Variants in ZP3 observed in about 807,000 individuals in gnomAD.
The protein encoded by ZP3 is zona pellucida sperm-binding protein 3.
A neutral mutation model predicts 35.6 loss-of-function variants in ZP3; 21 were observed. The ratio of observed to expected loss-of-function variants is 0.59; its 90% CI spans 0.42 to 0.85. ZP3 has a LOEUF of 0.85. Ranked by LOEUF, ZP3 falls within the 40% of genes least tolerant of loss-of-function variation. The probability of loss-of-function intolerance (pLI) is 0.00; values close to 1 mark genes in which losing one functional copy is unlikely to be tolerated. For synonymous variants in ZP3, 207 were observed against 214.5 expected, an observed-to-expected ratio of 0.96 and a Z score of 0.31; for missense variants, 437 against 536.5, an observed-to-expected ratio of 0.81 and a Z score of 1.83.
chr7:76,435,758 TCA>T (rs1445831225), intron 5 of ZP3, among the ~76,000 whole-genome samples: 3 of 139,254 alleles, frequency 2.2e-5, no homozygotes, highest in African/African-American at 3.3e-5. Flanking sequence ...TGAGACAGTC[TCA>T]CTCTGTCACC....
intron 5 of ZP3, among the ~76,000 whole-genome samples, chr7:76,437,294 C>T (rs1479152055): frequency 2.6e-5 from 4 of 151,712 alleles, no homozygotes; most frequent in Admixed American, 6.6e-5. Flanking sequence ...CCTGCCTCAG[C>T]CTCCCTAATA....
intron 1 of ZP3, among the ~76,000 whole-genome samples, chr7:76,399,928 C>T (rs192416716): frequency 2.6e-4 from 40 of 152,262 alleles, no homozygotes; most frequent in African/African-American, 9.4e-4. Flanking sequence ...GAGTTTGAGG[C>T]TGCAGTGGGC....
At position 76,440,326 on chromosome 7, in the gene ZP3, G is replaced by T; in HGVS notation, c.908G>T (p.Ser303Ile). 6.2e-7 allele frequency: 1 copy of T among 1,607,878 alleles called. No homozygotes were observed. The highest frequency in any genetic ancestry group is 8.5e-7 in the Non-Finnish European group (1 of 1,177,294). The stretch of plus-strand genomic sequence containing the variant: ...GAACTCAACAAGGCCTGTTCCTTCA[G>T]CAAGCCTTCCAACAGGTGAGGAGGA... The part of the protein sequence containing the change: ...PDELNKACSF[S>I]KPSNSWFPVE... The change falls in exon 6 of 8, where the codon AGC (serine) becomes ATC (isoleucine). Residue 303 changes from serine to isoleucine, a missense_variant. Transcript: ENST00000394857.
chr7:76,431,741 T>G (rs893013426), intron 2 of ZP3, among the ~76,000 whole-genome samples: 1 of 152,000 alleles, frequency 6.6e-6, no homozygotes, highest in Admixed American at 6.6e-5. Context: ...CTACTAAAAA[T>G]ACAAAAAATT....
chr7:76,397,818 G>A (rs1804691343), intron 1 of ZP3: 9 of 1,585,110 alleles, frequency 5.7e-6, no homozygotes, highest in Non-Finnish European at 6.9e-6. Flanking sequence ...CCTACCAGGC[G>A]TACGCTGCCC....
intron 1 of ZP3, among the ~76,000 whole-genome samples, chr7:76,411,250 A>G (rs1332895944): frequency 6.6e-6 from 1 of 151,974 alleles, no homozygotes; most frequent in Non-Finnish European, 1.5e-5. Context: ...TCGGTTCCTA[A>G]GCAAGCTCTC....
At chr7:76,437,492 TTTTTTGG>T (rs1771676752) in intron 5 of ZP3, among the ~76,000 whole-genome samples, 1 of 150,496 alleles carries the variant, frequency 6.6e-6, no homozygotes, top group African/African-American at 2.5e-5. Flanking sequence ...TTTTTTGTTT[TTTTTTGG>T]GGGGAAATGG....
Position 76,440,233 on chromosome 7 carries a change from G to T in ZP3, c.832-17G>T. On this transcript the variant is annotated splice_polypyrimidine_tract_variant and intron_variant, in intron 5 of 7. Coordinates refer to ENST00000394857, the MANE Select transcript of ZP3 (RefSeq NM_001110354.2). Reference sequence around the variant, plus strand: ...CAGCCTGGAACTCGGCCTGGAAATAGCTGTTATTCCTTGCAGATATACATC... The same window carrying T: ...CAGCCTGGAACTCGGCCTGGAAATATCTGTTATTCCTTGCAGATATACATC... 1 of 1,603,834 alleles carries T rather than the reference G, an allele frequency of 6.2e-7. No individual in the cohort carries two copies. The highest frequency in any genetic ancestry group is 8.5e-7 in the Non-Finnish European group (1 of 1,174,888).
upstream of ZP3, among the ~76,000 whole-genome samples, chr7:76,424,650 A>ACACAACAAAAACAAACAAAC (rs1199223031): frequency 1.3e-5 from 2 of 152,152 alleles, no homozygotes; most frequent in Non-Finnish European, 2.9e-5. Context: ...ACAAAACAAA[A>ACACAACAAAAACAAACAAAC]CACAACAAAA....
chr7:76,415,436 A>G (rs1025036286), intron 1 of ZP3, among the ~76,000 whole-genome samples: 20 of 150,514 alleles, frequency 1.3e-4, no homozygotes, highest in Non-Finnish European at 2.9e-5. Context: ...AACTGTTACC[A>G]ATGGCTGGGG....
At chr7:76,405,339 C>CTTTCTTTCTTTCTT (rs1271510975) in intron 1 of ZP3, among the ~76,000 whole-genome samples, 2 of 21,386 alleles carry the variant, frequency 9.4e-5, no homozygotes, top group South Asian at 4.7e-3. Context: ...TTCTTTCTTT[C>CTTTCTTTCTTTCTT]TTTTTTTTTT....
upstream of ZP3, among the ~76,000 whole-genome samples, chr7:76,424,205 G>A (rs1030660474): frequency 2.6e-5 from 4 of 152,176 alleles, no homozygotes; most frequent in African/African-American, 7.2e-5. Context: ...GCCGGGCTGC[G>A]AGCTTCCTAA....
intron 1 of ZP3, among the ~76,000 whole-genome samples, chr7:76,427,762 T>A (rs1307511394): frequency 6.6e-6 from 1 of 152,144 alleles, no homozygotes; most frequent in Non-Finnish European, 1.5e-5. Context: ...TTGGGCAACT[T>A]CGACCTCCTA....
At chr7:76,412,339 A>C (rs777702321) in intron 1 of ZP3, among the ~76,000 whole-genome samples, 9 of 152,180 alleles carry the variant, frequency 5.9e-5, no homozygotes, top group Non-Finnish European at 1.0e-4. Context: ...AACATCTTCA[A>C]AATGATGAAA....
chr7:76,416,114 C>T (rs1210995823), intron 1 of ZP3, among the ~76,000 whole-genome samples: 1 of 149,072 alleles, frequency 6.7e-6, no homozygotes, highest in Non-Finnish European at 1.5e-5. Context: ...TGGGCAACAA[C>T]AGCAAAACTC....
intron 1 of ZP3, among the ~76,000 whole-genome samples, chr7:76,416,726 G>A (rs1374807738): frequency 3.3e-5 from 5 of 151,700 alleles, no homozygotes; most frequent in African/African-American, 9.7e-5. Flanking sequence ...TTAAGCCTGC[G>A]AGACACAGGC....
chr7:76,440,692 A>G lies in ZP3; in HGVS notation c.1060+81A>G, dbSNP rs548829500. The G allele has an allele frequency of 3.6e-5, 56 of 1,535,532 alleles. No individual in the cohort carries two copies. In the East Asian group the frequency reaches 1.2e-3, roughly 34 times the overall value. The stretch of plus-strand genomic sequence containing the variant: ...CCTGCTGTCATTTCAGGGTGATGGT[A>G]TTTTCCCTTGTCCTCCATTAAAACT... On this transcript the variant is annotated intron_variant, in intron 7 of 7. Transcript: ENST00000394857.
At chr7:76,423,067 GAAAGAAAGAAAGA>G (rs1554624530), upstream of ZP3, among the ~76,000 whole-genome samples, 8 of 143,492 alleles carry the variant, frequency 5.6e-5, no homozygotes, top group Admixed American at 4.2e-4. Context: ...AAGAAAGAAA[GAAAGAAAGAAAGA>G]AAGAAAAGAA....
intron 1 of ZP3, chr7:76,404,175 G>T: frequency 7.6e-7 from 1 of 1,314,524 alleles, no homozygotes; most frequent in Non-Finnish European, 1.0e-6. Flanking sequence ...TGTCAACTCT[G>T]GGCAAAGGTC....
Sources: gnomAD v4.1 joint callset for allele counts (sites outside exome capture counted in the v4.1 genomes callset) on GRCh38, gnomAD v4.1.1 for gene constraint, MANE v1.5 for transcripts, NCBI Gene and HGNC (gene_info 2026-07-23, HGNC 2026-07-21) for gene names.